Variants in PHIP observed in about 807,000 individuals in gnomAD.
PHIP encodes PHIP subunit of CUL4-Ring ligase complex, also known as PH-interacting protein.
PHIP carries 54 observed loss-of-function variants against 236.8 expected under a neutral mutation model. The ratio of observed to expected loss-of-function variants is 0.23; its 90% CI spans 0.18 to 0.29. The LOEUF (loss-of-function observed/expected upper bound fraction) is 0.29, where lower values mean the gene tolerates loss of function less well. Ranked by LOEUF, PHIP falls within the 10% of genes least tolerant of loss-of-function variation. PHIP has a pLI of 1.00. For missense variants in PHIP, 1,370 were observed against 2,190.8 expected (o/e 0.63, Z 7.48); for synonymous variants, 756 against 718.9 (o/e 1.05, Z -0.83).
chr6:79,015,293 T>C, intron 14 of PHIP, 77 bp from the exon 15 acceptor site: 1 of 1,150,378 alleles, frequency 8.7e-7, no homozygotes, highest in South Asian at 1.4e-5. Flanking sequence ...AATACCAATA[T>C]GGCACTATTT....
At chr6:79,024,733 A>T (rs1771303531) in intron 9 of PHIP, among the ~76,000 whole-genome samples, 1 of 152,192 alleles carries the variant, frequency 6.6e-6, no homozygotes, top group Non-Finnish European at 1.5e-5. Context: ...TGAACCCGGG[A>T]GGCAGAGCTT....
chr6:79,063,707 G>A (rs992826169), intron 4 of PHIP, among the ~76,000 whole-genome samples: 4 of 152,274 alleles, frequency 2.6e-5, no homozygotes, highest in Non-Finnish European at 5.9e-5. Flanking sequence ...GAGCCACAGC[G>A]TCCGGCCAAT....
chr6:78,937,090 T>G lies in PHIP; in HGVS notation c.*3603A>C, dbSNP rs1322101093. ...ATTATGACTTTTAAAATCATGTAAC[T>G]CCTGCATATAAGCAGAACACTTACA... On this transcript the variant is annotated 3_prime_UTR_variant, in exon 40 of 40. Transcript: ENST00000275034. The G allele has an allele frequency of 2.0e-5, 3 of 151,756 alleles. No homozygotes were observed. The highest frequency in any genetic ancestry group is 4.4e-5 in the Non-Finnish European group (3 of 67,698). The allele number at this position is 151,756 out of a possible 1,614,324, so 9.4% of individuals were successfully genotyped here.
In PHIP at chr6:78,934,834, C is replaced by T. The variant is rs367822776; in HGVS notation, c.*5859G>A. Among the ~76,000 whole-genome samples the T allele has an allele frequency of 6.6e-6, 1 of 152,194 alleles. No individual in the cohort carries two copies. Among genetic ancestry groups the T allele is most frequent in the African/African-American group, 2.4e-5 (1 of 41,452 alleles). ...AGGAATGAAGGTCAAATTCCCATTT[C>T]CCAACTCCAGGCCAGTTCATTACAC... On this transcript the variant is annotated 3_prime_UTR_variant, in exon 40 of 40. Coordinates refer to ENST00000275034, the MANE Select transcript of PHIP (RefSeq NM_017934.7).
In PHIP at chr6:79,059,657, G is replaced by A. The variant is rs1023824227; in HGVS notation, c.439+821C>T. Among the ~76,000 whole-genome samples, 30 of 125,666 alleles carry A rather than the reference G, an allele frequency of 2.4e-4. 1 individual carries two copies. The Admixed American group carries it at 2.5e-3, about 10-fold the overall frequency. The allele number at this position is 125,666 out of a possible 152,430, so 82.4% of individuals were successfully genotyped here. A position where few individuals can be genotyped will look rare whatever the true frequency, so the allele number is the denominator to read the frequency against. On this transcript the variant is annotated intron_variant, in intron 6 of 39. Coordinates refer to ENST00000275034, the MANE Select transcript of PHIP (RefSeq NM_017934.7). ...CCAAACAAAAGTCATATAAACTTAC[G>A]ATCTGTATAATAAGTATCCAGAAAA...
chr6:79,002,090 C>T lies in PHIP; in HGVS notation c.1688G>A (p.Arg563Gln), dbSNP rs1562169664. ...ATTGTTGGCATCACGAATAAGTGGC[C>T]GATAATCACTATGAAAGAACATCTG... ...ADQMFFHSDY[R>Q]PLIRDANNFV... Residue 563 changes from arginine (R) to glutamine (Q), a missense_variant, in exon 17 of 40, where the codon CGG becomes CAG. Physicochemically the swap from Arg to Gln is conservative, Grantham distance 43 (BLOSUM62 1). This residue lies in a region of PHIP where 133 missense variants were observed against 245.2 expected (regional missense o/e 0.54). Coordinates refer to ENST00000275034, the MANE Select transcript of PHIP (RefSeq NM_017934.7). 2.5e-6 allele frequency: 4 copies of T among 1,612,014 alleles called. No individual in the cohort carries two copies. Among genetic ancestry groups the T allele is most frequent in the Non-Finnish European group, 2.5e-6 (3 of 1,178,920 alleles).
intron 35 of PHIP, among the ~76,000 whole-genome samples, chr6:78,954,020 T>C (rs1766238520): frequency 6.6e-6 from 1 of 152,234 alleles, no homozygotes; most frequent in Admixed American, 6.5e-5. Context: ...ATGTATTCCA[T>C]AAAGATTACA....
intron 4 of PHIP, among the ~76,000 whole-genome samples, chr6:79,067,511 C>A (rs1773681347): frequency 6.6e-6 from 1 of 152,124 alleles, no homozygotes. Context: ...ACATTTGTAA[C>A]CATCATATGG....
intron 39 of PHIP, among the ~76,000 whole-genome samples, chr6:78,941,685 T>TAAA (rs1773509463): frequency 6.6e-6 from 1 of 152,142 alleles, no homozygotes; most frequent in Non-Finnish European, 1.5e-5. Context: ...TAGAACTGTT[T>TAAA]AAAGAGGATT....
At chr6:79,017,453 A>G (rs371233476) in intron 11 of PHIP, 30 bp downstream of exon 11, 16 of 1,580,012 alleles carry the variant, frequency 1.0e-5, no homozygotes, top group Non-Finnish European at 1.4e-5. Flanking sequence ...CATAAATTAT[A>G]CTCATCTAAT....
At chr6:79,002,175 G>C (rs1041685770) in intron 16 of PHIP, 51 bp from the exon 17 acceptor site, 4 of 1,309,264 alleles carry the variant, frequency 3.1e-6, no homozygotes, top group Admixed American at 2.0e-5. Context: ...ATGTATCATT[G>C]TAGAAAAAAA....
At chr6:78,967,914 C>G (rs1767247503) in intron 27 of PHIP, among the ~76,000 whole-genome samples, 1 of 151,866 alleles carries the variant, frequency 6.6e-6, no homozygotes, top group African/African-American at 2.4e-5. Context: ...GCGGGCGGAT[C>G]ACAAGGTCAG....
In PHIP at chr6:78,935,087, T is replaced by C. The variant is rs569583425; in HGVS notation, c.*5606A>G. Among the ~76,000 whole-genome samples, 6 of 152,290 alleles carry C rather than the reference T, an allele frequency of 3.9e-5. No individual in the cohort carries two copies. The South Asian group carries it at 1.2e-3, about 32-fold the overall frequency. On this transcript the variant is annotated 3_prime_UTR_variant, in exon 40 of 40. Transcript: ENST00000275034. ...TCCTGGGTCATAAAATTGGTATTAT[T>C]ACAAAAGAGAAATAAGTAAAGAGTG...
intron 35 of PHIP, among the ~76,000 whole-genome samples, chr6:78,948,699 G>T (rs932209728): frequency 4.6e-5 from 7 of 152,084 alleles, no homozygotes; most frequent in African/African-American, 1.7e-4. Flanking sequence ...TTAGCATGTT[G>T]CTGAGACTGG....
At chr6:78,993,793 A>C (rs374639998) in intron 19 of PHIP, among the ~76,000 whole-genome samples, 2 of 152,330 alleles carry the variant, frequency 1.3e-5, no homozygotes, top group East Asian at 3.9e-4. Flanking sequence ...ATGCCTGCTA[A>C]CAGAACATCC....
chr6:79,054,342 C>CA (rs70977758), intron 6 of PHIP, among the ~76,000 whole-genome samples: 57,162 of 133,530 alleles, frequency 0.43, 12,064 homozygotes, highest in East Asian at 0.7. Context: ...ATCATTAAAC[C>CA]AAAAAAAAAA....
chr6:78,976,125 T>C (rs939801650), intron 24 of PHIP, among the ~76,000 whole-genome samples: 1 of 149,858 alleles, frequency 6.7e-6, no homozygotes, highest in African/African-American at 2.4e-5. Context: ...CTTCAAACTA[T>C]ACTACAAGGC....
At chr6:79,019,836 CTGA>C (rs746881887) in intron 9 of PHIP, among the ~76,000 whole-genome samples, 23 of 152,000 alleles carry the variant, frequency 1.5e-4, no homozygotes, top group Non-Finnish European at 3.2e-4. Flanking sequence ...ATCAATACTA[CTGA>C]TATTAAATGT....
intron 29 of PHIP, among the ~76,000 whole-genome samples, chr6:78,965,484 A>G (rs1767069189): frequency 6.6e-6 from 1 of 152,206 alleles, no homozygotes; most frequent in South Asian, 2.1e-4. Flanking sequence ...TTGCTGTAAT[A>G]AATTAATTTC....
Sources: gnomAD v4.1 joint callset for allele counts (sites outside exome capture counted in the v4.1 genomes callset) on GRCh38, gnomAD v4.1.1 for gene constraint, gnomAD v4.1.1 regional missense constraint, MANE v1.5 for transcripts, NCBI Gene and HGNC (gene_info 2026-07-23, HGNC 2026-07-21) for gene names.